The following LCT variants were observed in gnomAD, a reference collection of about 807,000 sequenced individuals.
LCT encodes the protein lactase.
In LCT, 90 loss-of-function variants were observed where a neutral mutation model predicts 173.0. The observed-to-expected ratio is 0.52, with a 90% CI of 0.44 to 0.62. LCT has a LOEUF of 0.62. Ranked by LOEUF, LCT falls within the 20% of genes least tolerant of loss-of-function variation. The pLI is 0.00. For synonymous variants in LCT, 853 were observed against 957.6 expected (o/e 0.89, Z 2.02); for missense variants, 1,864 against 2,431.4 (o/e 0.77, Z 4.91).
intron 11 of LCT, among the ~76,000 whole-genome samples, chr2:135,801,454 C>T (rs1363834616): frequency 6.6e-6 from 1 of 152,042 alleles, no homozygotes; most frequent in African/African-American, 2.4e-5. Flanking sequence ...GTGGCTCACA[C>T]CCATAATCCC....
rs2077518408 is a variant in LCT, at chr2:135,789,562, A to T, written c.5563+9T>A. 1 of 1,605,312 alleles carries T rather than the reference A, an allele frequency of 6.2e-7. No individual in the cohort carries two copies. The highest frequency in any genetic ancestry group is 1.3e-5 in the African/African-American group (1 of 74,750). On this transcript the variant is annotated intron_variant, in intron 16 of 16. Transcript: ENST00000264162. ...TTAGGCTTTATTCCCTCCCAGAGCC[A>T]CATCTCACCTGGCTGGTGGAGACAA...
Position 135,790,850 on chromosome 2 carries a change from G to C in LCT, c.5143C>G (p.Pro1715Ala). 6.2e-7 allele frequency: 1 copy of C among 1,614,130 alleles called. No homozygotes were observed. Among genetic ancestry groups the C allele is most frequent in the Non-Finnish European group, 8.5e-7 (1 of 1,180,002 alleles). Residue 1715 changes from proline (P) to alanine (A), a missense_variant, in exon 15 of 17, where the codon CCA (proline) becomes GCA (alanine). Pro to Ala is a conservative substitution (Grantham distance 27). Around this residue, in one of 4 missense-constraint regions of LCT, gnomAD observed 514 missense variants for 750.1 expected, o/e 0.69. Transcript: ENST00000264162. The surrounding 1 kb of genome is among the most constrained non-coding windows in gnomAD (Gnocchi z 4.1). ...TTCAGCCAGAAGGAGCCAGAGTCTG[G>C]CCACGAGCGATCTGCGATGGAAGCA... ...GVASIADRSWPDSGSFWLKMT... is the reference protein window; with the variant it reads ...GVASIADRSWADSGSFWLKMT...
intron 8 of LCT, 152 bp downstream of exon 8, chr2:135,808,291 C>T (rs978391194): frequency 1.3e-6 from 1 of 787,928 alleles, no homozygotes; most frequent in African/African-American, 1.7e-5. Flanking sequence ...TCTCAAGGAA[C>T]ATATAACCCC....
At chr2:135,804,664 T>C in intron 10 of LCT, 103 bp downstream of exon 10, 1 of 1,165,914 alleles carries the variant, frequency 8.6e-7, no homozygotes, top group Non-Finnish European at 1.3e-6. Context: ...CAACAAAAGC[T>C]AAATTTGAAA....
At position 135,790,654 on chromosome 2, in the gene LCT, G is replaced by A. The variant is rs1307467583; in HGVS notation, c.5335+4C>T. On this transcript the variant is annotated splice_donor_region_variant and intron_variant, in intron 15 of 16. Transcript: ENST00000264162. The surrounding 1 kb of genome is among the most constrained non-coding windows in gnomAD (Gnocchi z 4.1). ...CACGCTGGGGAAGGGCGGGCCCGTC[G>A]TACCTTTGAGGGCCTCATTGATGTA... 6.3e-6 allele frequency: 10 copies of A among 1,593,074 alleles called. No individual in the cohort carries two copies. The highest frequency in any genetic ancestry group is 1.3e-5 in the African/African-American group (1 of 74,480).
At chr2:135,814,660 G>T (rs1426223959) in intron 6 of LCT, among the ~76,000 whole-genome samples, 1 of 151,892 alleles carries the variant, frequency 6.6e-6, no homozygotes, top group African/African-American at 2.4e-5. Context: ...GGGACTACAG[G>T]TGCCCGCCAC....
In LCT at chr2:135,809,840, T is replaced by A. The variant is rs774830786; in HGVS notation, c.2507A>T (p.Tyr836Phe). 6.2e-7 allele frequency: 1 copy of A among 1,614,146 alleles called. No homozygotes were observed. Among genetic ancestry groups the A allele is most frequent in the Non-Finnish European group, 8.5e-7 (1 of 1,180,028 alleles). Reference sequence around the variant, plus strand: ...CTTTTCTATGATGCTAGTGAAAAAGTAGGCAGATTTCCTGGGAGTCCTTGA... The same window carrying A: ...CTTTTCTATGATGCTAGTGAAAAAGAAGGCAGATTTCCTGGGAGTCCTTGA... The part of the protein sequence containing the change: ...SKSRTPRKSA[Y>F]FFTSIIEKNG... Residue 836 changes from tyrosine (Y) to phenylalanine (F), a missense_variant, in exon 8 of 17, where the codon TAC (tyrosine) becomes TTC (phenylalanine). Around this residue, in one of 4 missense-constraint regions of LCT, gnomAD observed 755 missense variants for 926.3 expected, o/e 0.82. Transcript: ENST00000264162. The surrounding 1 kb of genome is among the most constrained non-coding windows in gnomAD (Gnocchi z 5.5).
intron 11 of LCT, 132 bp from the exon 12 acceptor site, chr2:135,800,941 A>G (rs1188999576): frequency 2.7e-6 from 2 of 729,672 alleles, no homozygotes; most frequent in Non-Finnish European, 4.8e-6. Flanking sequence ...GGAAAACTGG[A>G]ATTCAAACCC....
intron 1 of LCT, among the ~76,000 whole-genome samples, 183 bp downstream of exon 1, chr2:135,836,347 G>T (rs1679380872): frequency 6.6e-6 from 1 of 152,068 alleles, no homozygotes; most frequent in South Asian, 2.1e-4. Flanking sequence ...GTTTTGCCAT[G>T]TTAGCTACCC....
In LCT at chr2:135,800,731, A is replaced by G; in HGVS notation, c.4742T>C (p.Leu1581Pro). 1.2e-6 allele frequency: 2 copies of G among 1,614,162 alleles called. No homozygotes were observed. The highest frequency in any genetic ancestry group is 1.7e-6 in the Non-Finnish European group (2 of 1,180,006). ...LIKAHAEAWH[L>P]YNDVYRASQG... ...ACTGGCGCGGTACACATCGTTGTAC[A>G]GATGCCAGGCCTCAGCATGAGCCTT... is the stretch of plus-strand genomic sequence containing the variant. Residue 1581 changes from leucine (L) to proline (P), a missense_variant, in exon 12 of 17, where the codon CTG becomes CCG. By Grantham distance (98) the Leu-to-Pro change is moderately conservative. Around this residue, in one of 4 missense-constraint regions of LCT, gnomAD observed 514 missense variants for 750.1 expected, o/e 0.69. Coordinates refer to ENST00000264162, the MANE Select transcript of LCT (RefSeq NM_002299.4).
In LCT at chr2:135,788,552, A is replaced by T; in HGVS notation, c.5564-8T>A. The T allele has an allele frequency of 6.4e-7, 1 of 1,553,706 alleles. No individual in the cohort carries two copies. Among genetic ancestry groups the T allele is most frequent in the Non-Finnish European group, 8.9e-7 (1 of 1,125,524 alleles). On this transcript the variant is annotated splice_region_variant and splice_polypyrimidine_tract_variant and intron_variant, in intron 16 of 16. Transcript: ENST00000264162. The stretch of plus-strand genomic sequence containing the variant: ...TGATGGTGGGTCCAGCATCTAGGAG[A>T]GTGTGACACAGGGTGGTTGGTGCTC...
chr2:135,794,991 C>T (rs1004612563), intron 13 of LCT, among the ~76,000 whole-genome samples: 1 of 152,076 alleles, frequency 6.6e-6, no homozygotes, highest in South Asian at 2.1e-4. Flanking sequence ...TAGGTCTCTA[C>T]AAGAGCCTCT....
chr2:135,790,957 G>T lies in LCT; in HGVS notation c.5112-76C>A. 1 of 1,082,050 alleles carries T rather than the reference G, an allele frequency of 9.2e-7. No individual in the cohort carries two copies. The highest frequency in any genetic ancestry group is 1.4e-6 in the Non-Finnish European group (1 of 702,994). The allele number at this position is 1,082,050 out of a possible 1,614,324, so 67.0% of individuals were successfully genotyped here. A position where few individuals can be genotyped will look rare whatever the true frequency, so the allele number is the denominator to read the frequency against. ...GCCCTTTACACGAAACACAAAACAG[G>T]ACTTAGACCAGGAAAAGCCTTAGGT... On this transcript the variant is annotated intron_variant, in intron 14 of 16. Coordinates refer to ENST00000264162, the MANE Select transcript of LCT (RefSeq NM_002299.4). This position sits in a 1 kb window ranked among gnomAD's most constrained non-coding sequence, Gnocchi z 4.1.
In LCT at chr2:135,832,839, A is replaced by G. The variant is rs369505237; in HGVS notation, c.720+272T>C. Among the ~76,000 whole-genome samples the G allele has an allele frequency of 7.9e-5, 12 of 152,116 alleles. No individual in the cohort carries two copies. In the East Asian group the frequency reaches 2.3e-3, roughly 29 times the overall value. On this transcript the variant is annotated intron_variant, in intron 2 of 16. Coordinates refer to ENST00000264162, the MANE Select transcript of LCT (RefSeq NM_002299.4). ...CTAGTACCTGTTTTGCCATAATCTCATCTCTTATCCTATAAGCTATTTTGG... is the reference window on the plus strand; with the variant it reads ...CTAGTACCTGTTTTGCCATAATCTCGTCTCTTATCCTATAAGCTATTTTGG...
chr2:135,812,950 G>T lies in LCT; in HGVS notation c.1714C>A (p.His572Asn). The change falls in exon 7 of 17, where the codon CAC (histidine) becomes AAC (asparagine). Residue 572 changes from histidine (H) to asparagine (N), a missense_variant. His to Asn is a moderately conservative substitution (Grantham distance 68). Coordinates refer to ENST00000264162, the MANE Select transcript of LCT (RefSeq NM_002299.4). ...CTGGCATGAGCCTTGAGGACCAAGT[G>T]AGCCACCTTGTGAAAAAGTAAGAAG... ...DPGVASFKVA[H>N]LVLKAHARTW... The T allele has an allele frequency of 6.2e-7, 1 of 1,614,054 alleles. No homozygotes were observed. Among genetic ancestry groups the T allele is most frequent in the Non-Finnish European group, 8.5e-7 (1 of 1,179,982 alleles).
rs1407649298 is a variant in LCT, at chr2:135,788,392, A to C, written c.5716T>G (p.Cys1906Gly). The C allele has an allele frequency of 1.2e-6, 2 of 1,614,208 alleles. No homozygotes were observed. Among genetic ancestry groups the C allele is most frequent in the Non-Finnish European group, 1.7e-6 (2 of 1,180,034 alleles). The change falls in exon 17 of 17, where the codon TGC becomes GGC. Residue 1906 changes from cysteine to glycine, a missense_variant. Coordinates refer to ENST00000264162, the MANE Select transcript of LCT (RefSeq NM_002299.4). ...CGLAFLSYKY[C>G]KRSKQGKTQR... Reference sequence around the variant, plus strand: ...GTTTTCCCTTGCTTAGAGCGCTTGCAGTACTTGTATGACAGAAATGCCAAG... The same window carrying C: ...GTTTTCCCTTGCTTAGAGCGCTTGCCGTACTTGTATGACAGAAATGCCAAG...
intron 14 of LCT, chr2:135,794,214 AT>A (rs2077558247): frequency 6.3e-6 from 1 of 159,664 alleles, no homozygotes; most frequent in Non-Finnish European, 1.4e-5. Context: ...TCATAAAAGC[AT>A]TGTTTAAAAA....
intron 7 of LCT, among the ~76,000 whole-genome samples, chr2:135,811,298 A>G (rs2077732556): frequency 6.6e-6 from 1 of 152,192 alleles, no homozygotes; most frequent in African/African-American, 2.4e-5. Flanking sequence ...CTAAATTCTA[A>G]CCCGTGGTGC....
At chr2:135,812,270 AC>A in intron 7 of LCT, 40 bp downstream of exon 7, 1 of 1,545,524 alleles carries the variant, frequency 6.5e-7, no homozygotes, top group Non-Finnish European at 8.9e-7. Flanking sequence ...TTGGAGAAGT[AC>A]CACCCACCTT....
Sources: gnomAD v4.1 joint callset for allele counts (sites outside exome capture counted in the v4.1 genomes callset) on GRCh38, gnomAD v4.1.1 for gene constraint, gnomAD v4.1.1 regional missense constraint, Gnocchi (gnomAD v3.1) non-coding constraint, MANE v1.5 for transcripts, NCBI Gene and HGNC (gene_info 2026-07-23, HGNC 2026-07-21) for gene names.